The following TULP4 variants were observed in gnomAD, a reference collection of about 807,000 sequenced individuals.
TULP4 encodes the protein TUB like protein 4.
A neutral mutation model predicts 129.0 loss-of-function variants in TULP4; 16 were observed. The observed-to-expected ratio is 0.12, with a 90% CI of 0.08 to 0.19. The LOEUF (loss-of-function observed/expected upper bound fraction) is 0.19. Among genes scored for constraint, TULP4 ranks in the 10% least tolerant of loss-of-function variants. The pLI, the probability that TULP4 is intolerant of heterozygous loss-of-function variation, is 1.00. For missense variants in TULP4, 1,842 were observed against 2,059.1 expected (o/e 0.89, Z 2.04); for synonymous variants, 998 against 854.0 (o/e 1.17, Z -2.94).
intron 1 of TULP4, among the ~76,000 whole-genome samples, chr6:158,368,105 G>C (rs528616252): frequency 1.4e-5 from 2 of 141,730 alleles, no homozygotes; most frequent in South Asian, 2.3e-4. Flanking sequence ...TCCTGAATCT[G>C]ACAGATTGAG....
intron 1 of TULP4, among the ~76,000 whole-genome samples, chr6:158,263,673 T>C (rs1351316765): frequency 6.6e-6 from 1 of 152,152 alleles, no homozygotes; most frequent in Non-Finnish European, 1.5e-5. Context: ...GGAAGATCGC[T>C]TGAGCCTGAG....
At chr6:158,381,458 T>C (rs1312076591) in intron 1 of TULP4, among the ~76,000 whole-genome samples, 1 of 152,226 alleles carries the variant, frequency 6.6e-6, no homozygotes, top group Non-Finnish European at 1.5e-5. Flanking sequence ...ACAGATTTTA[T>C]AGCCAAATGA....
chr6:158,363,630 C>T (rs1010232062), intron 1 of TULP4, among the ~76,000 whole-genome samples: 3 of 152,234 alleles, frequency 2.0e-5, no homozygotes, highest in Admixed American at 1.3e-4. Context: ...ACTACAGGCA[C>T]GCATCACTAC....
chr6:158,283,617 T>TG (rs1778793398), intron 1 of TULP4, among the ~76,000 whole-genome samples: 1 of 152,250 alleles, frequency 6.6e-6, no homozygotes, highest in African/African-American at 2.4e-5. Context: ...TACTACTGTG[T>TG]TCTTAAACTG....
chr6:158,301,649 A>C (rs1275249610), intron 1 of TULP4, among the ~76,000 whole-genome samples: 10 of 152,342 alleles, frequency 6.6e-5, no homozygotes, highest in Non-Finnish European at 2.9e-5. Context: ...CCACTAAGTC[A>C]TTATGTTGAA....
chr6:158,388,802 T>C (rs1296593072), intron 1 of TULP4, among the ~76,000 whole-genome samples: 3 of 152,180 alleles, frequency 2.0e-5, no homozygotes, highest in Non-Finnish European at 4.4e-5. Flanking sequence ...TTATGGCCAA[T>C]TAGTGGCATA....
chr6:158,331,955 C>T (rs143960929), intron 1 of TULP4, among the ~76,000 whole-genome samples: 1,836 of 147,574 alleles, frequency 0.012, 44 homozygotes, highest in African/African-American at 0.04. Flanking sequence ...GCGGATTACC[C>T]GAGGTCAGGA....
chr6:158,449,155 G>C lies in TULP4; in HGVS notation c.703G>C (p.Asp235His). Residue 235 changes from aspartate (D) to histidine (H), a missense_variant, in exon 4 of 14, where the codon GAT (aspartate) becomes CAT (histidine). By Grantham distance (81) the Asp-to-His change is moderately conservative. Around this residue, in one of 5 missense-constraint regions of TULP4, gnomAD observed 456 missense variants for 534.3 expected, o/e 0.85. Transcript: ENST00000367097. ...CAGCAGCGAGAGCGACACGGACTCA[G>C]ATGACTACGCCCCTCCCCAAGGTAC... is the stretch of plus-strand genomic sequence containing the variant. ...EDSSESDTDS[D>H]DYAPPQDGPA... 1 of 1,613,416 alleles carries C rather than the reference G, an allele frequency of 6.2e-7. No homozygotes were observed. The highest frequency in any genetic ancestry group is 8.5e-7 in the Non-Finnish European group (1 of 1,179,750).
At chr6:158,468,630 G>C (rs1033714232) in intron 6 of TULP4, among the ~76,000 whole-genome samples, 1 of 152,228 alleles carries the variant, frequency 6.6e-6, no homozygotes, top group Admixed American at 6.5e-5. Context: ...ACAACAACAG[G>C]AAGTAAGACT....
upstream of TULP4, among the ~76,000 whole-genome samples, chr6:158,309,913 A>C (rs112139360): frequency 2.0e-5 from 1 of 49,996 alleles, no homozygotes; most frequent in Non-Finnish European, 3.5e-5. Flanking sequence ...GGGGAGAGGG[A>C]GAGGGGGAGG....
chr6:158,474,560 C>T (rs905257217), intron 6 of TULP4, among the ~76,000 whole-genome samples: 2 of 152,216 alleles, frequency 1.3e-5, no homozygotes, highest in Admixed American at 1.3e-4. Flanking sequence ...AGCCTCCCTG[C>T]TCCCTCTCTT....
chr6:158,240,936 C>T (rs1241786249), intron 1 of TULP4, among the ~76,000 whole-genome samples: 11 of 147,910 alleles, frequency 7.4e-5, no homozygotes, highest in Admixed American at 4.7e-4. Flanking sequence ...CGGAGAGGCT[C>T]CTCACTTCTC....
intron 1 of TULP4, among the ~76,000 whole-genome samples, chr6:158,255,802 A>G (rs1778231158): frequency 6.6e-6 from 1 of 152,200 alleles, no homozygotes; most frequent in Non-Finnish European, 1.5e-5. Flanking sequence ...GTTATTTGCA[A>G]CCGAAGATGT....
intron 5 of TULP4, among the ~76,000 whole-genome samples, chr6:158,457,612 T>C (rs1008457141): frequency 1.3e-5 from 2 of 152,172 alleles, no homozygotes; most frequent in African/African-American, 4.8e-5. Flanking sequence ...GTTCAGGAAT[T>C]TTCTGCCCAA....
At chr6:158,462,058 G>A (rs1779441911) in intron 6 of TULP4, among the ~76,000 whole-genome samples, 1 of 152,058 alleles carries the variant, frequency 6.6e-6, no homozygotes, top group Non-Finnish European at 1.5e-5. Flanking sequence ...TCTACTCTTA[G>A]TGAGTTCTTA....
At chr6:158,470,476 C>T (rs1304045030) in intron 6 of TULP4, among the ~76,000 whole-genome samples, 3 of 152,224 alleles carry the variant, frequency 2.0e-5, no homozygotes, top group Non-Finnish European at 2.9e-5. Context: ...TTGGCTATTT[C>T]TTTACCTCCT....
upstream of TULP4, among the ~76,000 whole-genome samples, chr6:158,278,982 C>T (rs1778696869): frequency 1.4e-5 from 2 of 146,880 alleles, no homozygotes; most frequent in South Asian, 4.3e-4. Context: ...TTCTGTCCCC[C>T]AGGCTGGAGT....
rs569321171 is a variant in TULP4 at position 158,491,932 on chromosome 6, C to G, written c.1632-1641C>G. On this transcript the variant is annotated intron_variant, in intron 9 of 13. Coordinates refer to ENST00000367097, the MANE Select transcript of TULP4 (RefSeq NM_020245.5). Reference sequence around the variant, plus strand: ...GGAGTGCAGTGGCGTGATCTTGGCTCACTGCAACCTTCACCTCCTGGGTTC... The same window carrying G: ...GGAGTGCAGTGGCGTGATCTTGGCTGACTGCAACCTTCACCTCCTGGGTTC... 3.0e-3 allele frequency among the ~76,000 whole-genome samples: 449 copies of G among 152,194 alleles called. 3 individuals carry two copies. Among genetic ancestry groups the G allele is most frequent in the African/African-American group, 1.0e-2 (414 of 41,506 alleles).
At chr6:158,466,090 T>G (rs1231057923) in intron 6 of TULP4, among the ~76,000 whole-genome samples, 2 of 152,134 alleles carry the variant, frequency 1.3e-5, no homozygotes. Flanking sequence ...TCAAGAGCCT[T>G]TTGTCAGTCT....
Sources: gnomAD v4.1 joint callset for allele counts (sites outside exome capture counted in the v4.1 genomes callset) on GRCh38, gnomAD v4.1.1 for gene constraint, gnomAD v4.1.1 regional missense constraint, MANE v1.5 for transcripts, NCBI Gene and HGNC (gene_info 2026-07-23, HGNC 2026-07-21) for gene names.